NEDD4: variants seen among roughly 807,000 people sequenced by gnomAD.
NEDD4 encodes E3 ubiquitin-protein ligase NEDD4.
Under a neutral mutation model 144.9 loss-of-function variants are expected in NEDD4, and 99 were observed. The observed-to-expected ratio is 0.68, with a 90% CI of 0.58 to 0.81. The LOEUF (loss-of-function observed/expected upper bound fraction) is 0.81, where lower values mean the gene tolerates loss of function less well. NEDD4 is among the 30% of genes least tolerant of loss of function. The pLI, the probability that NEDD4 is intolerant of heterozygous loss-of-function variation, is 0.00. For synonymous variants in NEDD4, 318 were observed against 350.6 expected (o/e 0.91, Z 1.04); for missense variants, 985 against 1,065.9 (o/e 0.92, Z 1.06).
At chr15:55,921,227 G>A (rs2036563375) in intron 5 of NEDD4, among the ~76,000 whole-genome samples, 3 of 152,032 alleles carry the variant, frequency 2.0e-5, no homozygotes, top group Admixed American at 2.0e-4. Context: ...ATTTTTAGAA[G>A]GATTGAATAA....
At chr15:55,874,086 A>T in intron 5 of NEDD4, 78 bp from the exon 6 acceptor site, 1 of 758,616 alleles carries the variant, frequency 1.3e-6, no homozygotes, top group Non-Finnish European at 2.2e-6. Context: ...TAGTGCCACC[A>T]TTCACAGAAA....
At chr15:55,832,948 G>A in intron 27 of NEDD4, 60 bp downstream of exon 27, 1 of 1,123,046 alleles carries the variant, frequency 8.9e-7, no homozygotes, top group African/African-American at 1.6e-5. Flanking sequence ...GGATTCGTCA[G>A]CCATGAAAAA....
chr15:55,978,783 G>A (rs1214838964), intron 1 of NEDD4, among the ~76,000 whole-genome samples: 9 of 152,066 alleles, frequency 5.9e-5, no homozygotes, highest in Admixed American at 5.9e-4. Flanking sequence ...GAATGACAAG[G>A]AGAAACAAAT....
chr15:55,839,269 T>G (rs528899333), intron 21 of NEDD4, among the ~76,000 whole-genome samples: 29 of 152,180 alleles, frequency 1.9e-4, no homozygotes, highest in African/African-American at 7.0e-4. Context: ...CCTCAAGTGA[T>G]CCACCTGCCT....
intron 2 of NEDD4, among the ~76,000 whole-genome samples, chr15:55,965,653 G>GGTATGTAT (rs71110357): frequency 0.24 from 35,722 of 150,080 alleles, 4,320 homozygotes; most frequent in South Asian, 0.31. Context: ...AATACTATTT[G>GGTATGTAT]GTATGTATGT....
At chr15:55,905,587 G>A (rs538379112) in intron 5 of NEDD4, among the ~76,000 whole-genome samples, 1 of 152,240 alleles carries the variant, frequency 6.6e-6, no homozygotes, top group Non-Finnish European at 1.5e-5. Flanking sequence ...GACCAAACCC[G>A]AAGTAAAATA....
intron 4 of NEDD4, among the ~76,000 whole-genome samples, chr15:55,947,998 G>C (rs1412067632): frequency 6.6e-6 from 1 of 152,174 alleles, no homozygotes; most frequent in Non-Finnish European, 1.5e-5. Flanking sequence ...ATTAGGAAAA[G>C]AGGAAGTCAA....
intron 13 of NEDD4, among the ~76,000 whole-genome samples, chr15:55,851,872 G>A (rs1181565606): frequency 3.9e-5 from 6 of 152,236 alleles, no homozygotes; most frequent in Admixed American, 2.0e-4. Flanking sequence ...ACCCAAAGAC[G>A]AGATCATTTG....
chr15:55,889,687 GTGTTTTGTTT>G (rs1232189858), intron 5 of NEDD4, among the ~76,000 whole-genome samples: 19 of 151,684 alleles, frequency 1.3e-4, no homozygotes, highest in African/African-American at 1.7e-4. Flanking sequence ...ATTTAATTTA[GTGTTTTGTTT>G]TGTTTTGTTT....
chr15:55,937,430 T>C (rs1213312641), intron 4 of NEDD4, among the ~76,000 whole-genome samples: 4 of 152,224 alleles, frequency 2.6e-5, no homozygotes, highest in Non-Finnish European at 4.4e-5. Flanking sequence ...TCAGTTTTTT[T>C]CTAAGCATAA....
chr15:55,895,739 A>G (rs1283189842), intron 5 of NEDD4, among the ~76,000 whole-genome samples: 4 of 152,222 alleles, frequency 2.6e-5, no homozygotes, highest in Non-Finnish European at 5.9e-5. Context: ...ACATGTATCT[A>G]TTCAGTGTCT....
chr15:55,860,729 GT>G lies in NEDD4; in HGVS notation c.723del (p.Gln241HisfsTer29), dbSNP rs1566916391. 6.2e-7 allele frequency: 1 copy of G among 1,614,172 alleles called. No homozygotes were observed. Among genetic ancestry groups the G allele is most frequent in the Non-Finnish European group, 8.5e-7 (1 of 1,180,016 alleles). On this transcript the variant is annotated frameshift_variant, in exon 10 of 29. Transcript: ENST00000435532. LOFTEE classifies it high-confidence loss of function. ...AENGNIQLQA[Q>X]RAFTTRRQIS... ...ATCTGCCGCCTGGTGGTAAATGCAC[GT>G]TGTGCTTGCAGTTGAATGTTGCCAT... is the stretch of plus-strand genomic sequence containing the variant.
intron 11 of NEDD4, among the ~76,000 whole-genome samples, chr15:55,860,198 A>G (rs2034345283): frequency 6.6e-6 from 1 of 152,226 alleles, no homozygotes; most frequent in Non-Finnish European, 1.5e-5. Context: ...GGGCACTGAC[A>G]TAATGGAAAT....
rs949835794 is a variant in NEDD4, at chr15:55,920,249, A to G, written c.291+4397T>C. Among the ~76,000 whole-genome samples the G allele has an allele frequency of 2.0e-5, 3 of 151,706 alleles. No homozygotes were observed. In the South Asian group the frequency reaches 6.2e-4, roughly 31 times the overall value. On this transcript the variant is annotated intron_variant, in intron 5 of 28. Coordinates refer to ENST00000435532, the MANE Select transcript of NEDD4 (RefSeq NM_006154.4). ...ATAAAATATATGAAAAATAAATAAT[A>G]CATAAAATATATACACAATCTATTG...
intron 5 of NEDD4, among the ~76,000 whole-genome samples, chr15:55,890,646 G>A (rs2035541925): frequency 6.6e-6 from 1 of 152,154 alleles, no homozygotes; most frequent in Non-Finnish European, 1.5e-5. Flanking sequence ...GAACATTTGA[G>A]TAAAAGCTTT....
At chr15:55,932,597 C>T (rs1332656818) in intron 4 of NEDD4, among the ~76,000 whole-genome samples, 1 of 152,080 alleles carries the variant, frequency 6.6e-6, no homozygotes, top group Non-Finnish European at 1.5e-5. Context: ...ACCATTCAGG[C>T]CATAGGCATG....
chr15:55,957,867 C>T (rs1315338206), intron 2 of NEDD4, among the ~76,000 whole-genome samples: 1 of 152,172 alleles, frequency 6.6e-6, no homozygotes, highest in Non-Finnish European at 1.5e-5. Flanking sequence ...CAAACTATCA[C>T]ACGGACAGAA....
At position 55,829,645 on chromosome 15, in the gene NEDD4, T is replaced by TAGATCTC; in HGVS notation, c.*251_*252insGAGATCT. 8.2e-6 allele frequency: 3 copies of TAGATCTC among 366,704 alleles called. No homozygotes were observed. The highest frequency in any genetic ancestry group is 7.3e-5 in the South Asian group (2 of 27,236). The allele number at this position is 366,704 out of a possible 1,614,324, so 22.7% of individuals were successfully genotyped here. A position where few individuals can be genotyped will look rare whatever the true frequency, so the allele number is the denominator to read the frequency against. On this transcript the variant is annotated 3_prime_UTR_variant, in exon 29 of 29. Transcript: ENST00000435532. ...ATTGTGTGAACTCTAAAGCCAGGTG[T>TAGATCTC]GGTGGTGCCTGGCTTTAGGCAGGCA...
At chr15:55,966,192 AT>A (rs775496654) in intron 2 of NEDD4, among the ~76,000 whole-genome samples, 7 of 152,222 alleles carry the variant, frequency 4.6e-5, no homozygotes, top group Non-Finnish European at 7.3e-5. Context: ...TATGGTTGTT[AT>A]CTGCTAAAGG....
Sources: gnomAD v4.1 joint callset for allele counts (sites outside exome capture counted in the v4.1 genomes callset) on GRCh38, gnomAD v4.1.1 for gene constraint, MANE v1.5 for transcripts, NCBI Gene and HGNC (gene_info 2026-07-23, HGNC 2026-07-21) for gene names.